SMS: variants seen among roughly 807,000 people sequenced by gnomAD.
SMS encodes spermine synthase, also known as spermidine aminopropyltransferase.
In SMS, 3 loss-of-function variants were observed where a neutral mutation model predicts 33.0. The observed-to-expected ratio is 0.09, with a 90% CI of 0.04 to 0.23. The LOEUF (loss-of-function observed/expected upper bound fraction) is 0.23. SMS is among the 10% of genes least tolerant of loss of function. The pLI, the probability that SMS is intolerant of heterozygous loss-of-function variation, is 1.00. For missense variants in SMS, 117 were observed against 288.6 expected (o/e 0.41, Z 4.31); for synonymous variants, 103 against 112.2 (o/e 0.92, Z 0.52).
chrX:21,959,036 C>CT (rs1923162298), intron 1 of SMS, among the ~76,000 whole-genome samples: 2 of 112,463 alleles, frequency 1.8e-5, no homozygotes, highest in Admixed American at 9.4e-5. Context: ...TACTTTCTGG[C>CT]TATTGCATAT....
At chrX:21,957,379 C>T (rs1345907966) in intron 1 of SMS, among the ~76,000 whole-genome samples, 1 of 110,146 alleles carries the variant, frequency 9.1e-6, no homozygotes, top group Non-Finnish European at 1.9e-5. Flanking sequence ...TCACTGCAAC[C>T]TCCACCTCCT....
rs759163057 is a variant in SMS, at chrX:21,972,551, C to T, written c.309C>T (p.Asp103=). 1 of 1,183,724 alleles carries T rather than the reference C, an allele frequency of 8.4e-7. No individual in the cohort carries two copies. Among genetic ancestry groups the T allele is most frequent in the South Asian group, 1.8e-5 (1 of 56,304 alleles). The change falls in exon 4 of 11, where the codon GAC becomes GAT. Residue 103 remains aspartate (D), a synonymous_variant. Coordinates refer to ENST00000404933, the MANE Select transcript of SMS (RefSeq NM_004595.5). ...VEERMKELSQ[D]STGRVKRLPP... ...AAAGAATGAAAGAATTGAGTCAGGA[C>T]AGTACTGGGCGGGTGAAACGGTAAG...
At chrX:21,973,032 A>G (rs1335187486) in intron 4 of SMS, among the ~76,000 whole-genome samples, 1 of 111,417 alleles carries the variant, frequency 9.0e-6, no homozygotes, top group South Asian at 3.8e-4. Flanking sequence ...GGTGAACTGA[A>G]CTACTGGGCC....
At chrX:21,981,185 G>A (rs989886560) in intron 7 of SMS, among the ~76,000 whole-genome samples, 3 of 110,659 alleles carry the variant, frequency 2.7e-5, no homozygotes, top group Non-Finnish European at 5.7e-5. Context: ...GCCCGACGTG[G>A]TGGTGGGTGC....
At chrX:21,960,090 T>G in intron 1 of SMS, 1 of 194,883 alleles carries the variant, frequency 5.1e-6, no homozygotes, top group Non-Finnish European at 7.8e-6. Context: ...GGCTTGGAGC[T>G]CTGGAAATCT....
At chrX:21,982,115 C>T (rs1484566056) in intron 7 of SMS, among the ~76,000 whole-genome samples, 2 of 109,526 alleles carry the variant, frequency 1.8e-5, no homozygotes, top group Non-Finnish European at 3.8e-5. Context: ...GGGCGGATCA[C>T]GAGGTCAGGA....
chrX:21,940,808 C>T lies in SMS; in HGVS notation c.-17C>T. On this transcript the variant is annotated 5_prime_UTR_variant, in exon 1 of 11. An upstream open reading frame in the 5' UTR gains an earlier in-frame stop. Coordinates refer to ENST00000404933, the MANE Select transcript of SMS (RefSeq NM_004595.5). The stretch of plus-strand genomic sequence containing the variant: ...CGCGGCTGCTCCCCCAGGCATGGCA[C>T]AGGGCCTCGCCTCACTATGGCAGCA... 8.9e-7 allele frequency: 1 copy of T among 1,117,593 alleles called. No individual in the cohort carries two copies. Among genetic ancestry groups the T allele is most frequent in the Non-Finnish European group, 1.2e-6 (1 of 851,255 alleles). The allele number at this position is 1,117,593 out of a possible 1,213,427, so 92.1% of individuals were successfully genotyped here.
chrX:21,984,524 A>G, intron 8 of SMS, 106 bp downstream of exon 8: 1 of 585,069 alleles, frequency 1.7e-6, no homozygotes, highest in Non-Finnish European at 2.9e-6. Flanking sequence ...TTTTTGAAAA[A>G]GGGAGTTAAA....
intron 4 of SMS, among the ~76,000 whole-genome samples, chrX:21,976,588 G>GA (rs61545756): frequency 1.9e-4 from 20 of 104,348 alleles, no homozygotes; most frequent in South Asian, 8.5e-4. Flanking sequence ...GGATAAAAAA[G>GA]AAAAAAAAAA....
At chrX:21,948,854 A>G (rs925558251) in intron 1 of SMS, among the ~76,000 whole-genome samples, 2 of 112,193 alleles carry the variant, frequency 1.8e-5, no homozygotes, top group Non-Finnish European at 3.8e-5. Context: ...GCTGGTGTGC[A>G]CTGTGGCTCC....
At chrX:21,967,991 C>T (rs1160742289) in intron 2 of SMS, among the ~76,000 whole-genome samples, 1 of 112,506 alleles carries the variant, frequency 8.9e-6, no homozygotes, top group Admixed American at 9.3e-5. Context: ...ATCGGAGGGG[C>T]TGGGGTCCAG....
chrX:21,988,420 C>T (rs1925504192), intron 9 of SMS, among the ~76,000 whole-genome samples: 2 of 110,285 alleles, frequency 1.8e-5, no homozygotes, highest in East Asian at 5.7e-4. Context: ...AATCCCAGCA[C>T]TTTGGGAGGC....
chrX:21,945,706 C>CA (rs1922180159), intron 1 of SMS, among the ~76,000 whole-genome samples: 1 of 98,561 alleles, frequency 1.0e-5, no homozygotes, highest in African/African-American at 3.8e-5. Context: ...CTCAGTGTAA[C>CA]CTCTGCCTCC....
chrX:21,958,251 T>C (rs192931049), intron 1 of SMS, among the ~76,000 whole-genome samples: 1 of 112,259 alleles, frequency 8.9e-6, no homozygotes, highest in East Asian at 2.8e-4. Flanking sequence ...TGGTTTCAGG[T>C]TTTAGATTTA....
intron 1 of SMS, among the ~76,000 whole-genome samples, chrX:21,949,625 C>T (rs1429799806): frequency 8.9e-6 from 1 of 111,793 alleles, no homozygotes; most frequent in Admixed American, 9.5e-5. Context: ...ATGAAAATTT[C>T]TCCAGTGAGA....
intron 1 of SMS, among the ~76,000 whole-genome samples, chrX:21,953,072 A>T (rs1922727892): frequency 9.1e-6 from 1 of 109,982 alleles, no homozygotes; most frequent in Non-Finnish European, 1.9e-5. Context: ...CTCTTTCTGG[A>T]ATTTTTAAGC....
rs112405183 is a variant in SMS, at chrX:21,972,722, A to G, written c.329+151A>G. On this transcript the variant is annotated intron_variant, in intron 4 of 10. Coordinates refer to ENST00000404933, the MANE Select transcript of SMS (RefSeq NM_004595.5). The stretch of plus-strand genomic sequence containing the variant: ...TCAGGAGTTTGAGACCAGCCTGGCC[A>G]ATGTGGCAAAACACCGTCTCTACTA... 0.12 allele frequency: 55,372 copies of G among 475,453 alleles called. 3,846 individuals are homozygous for G. The highest frequency in any genetic ancestry group is 0.4 in the African/African-American group (16,336 of 41,109). The allele number at this position is 475,453 out of a possible 1,213,427, so 39.2% of individuals were successfully genotyped here. A position where few individuals can be genotyped will look rare whatever the true frequency, so the allele number is the denominator to read the frequency against.
intron 4 of SMS, 47 bp downstream of exon 4, chrX:21,972,618 A>G (rs755082527): frequency 4.2e-6 from 4 of 952,428 alleles, no homozygotes; most frequent in South Asian, 2.0e-5. Flanking sequence ...GATTGAAACA[A>G]TCATAGTTGG....
intron 1 of SMS, among the ~76,000 whole-genome samples, chrX:21,956,888 G>A (rs2147497727): frequency 8.9e-6 from 1 of 112,500 alleles, no homozygotes; most frequent in East Asian, 2.8e-4. Context: ...GCCCCTGTCT[G>A]TATTTTGCAG....
Sources: gnomAD v4.1 joint callset for allele counts (sites outside exome capture counted in the v4.1 genomes callset) on GRCh38, gnomAD v4.1.1 for gene constraint, MANE v1.5 for transcripts, NCBI Gene and HGNC (gene_info 2026-07-23, HGNC 2026-07-21) for gene names.